Variants in RBFOX1 observed in about 807,000 individuals in gnomAD.
RBFOX1 encodes RNA binding fox-1 homolog 1.
RBFOX1 carries 8 observed loss-of-function variants against 57.7 expected under a neutral mutation model. The observed-to-expected ratio is 0.14, with a 90% CI of 0.08 to 0.25. RBFOX1 has a LOEUF of 0.25. Among genes scored for constraint, RBFOX1 ranks in the 10% least tolerant of loss-of-function variants. The probability of loss-of-function intolerance (pLI) is 1.00; values close to 1 mark genes in which losing one functional copy is unlikely to be tolerated. For synonymous variants in RBFOX1, 326 were observed against 222.4 expected, an observed-to-expected ratio of 1.47 and a Z score of -4.15; for missense variants, 611 against 548.5, an observed-to-expected ratio of 1.11 and a Z score of -1.14.
At chr16:7,580,402 C>T (rs2093663740) in intron 6 of RBFOX1, among the ~76,000 whole-genome samples, 2 of 152,294 alleles carry the variant, frequency 1.3e-5, no homozygotes, top group South Asian at 4.1e-4. Flanking sequence ...CAGAGAACAA[C>T]TACTTCTGCA....
At chr16:7,559,103 T>A (rs983908169) in intron 5 of RBFOX1, among the ~76,000 whole-genome samples, 1 of 152,222 alleles carries the variant, frequency 6.6e-6, no homozygotes, top group African/African-American at 2.4e-5. Flanking sequence ...TCAGAGGCCT[T>A]TCCTGAAAGG....
intron 2 of RBFOX1, among the ~76,000 whole-genome samples, chr16:6,450,860 T>TACATCTATATAC (rs1171874913): frequency 1.3e-5 from 1 of 75,864 alleles, no homozygotes; most frequent in African/African-American, 5.0e-5. Context: ...TATATATATA[T>TACATCTATATAC]ATATATATAT....
chr16:7,309,935 G>A lies in RBFOX1; in HGVS notation c.28-208212G>A, dbSNP rs184119647. Among the ~76,000 whole-genome samples, 700 of 152,298 alleles carry A rather than the reference G, an allele frequency of 4.6e-3. 2 individuals carry two copies. Among genetic ancestry groups the A allele is most frequent in the African/African-American group, 0.016 (657 of 41,562 alleles). ...GTGTCCCAATGTTCTGTTTAATTCA[G>A]TTAAGAAAAGCAAAGAAAGTTCCAT... On this transcript the variant is annotated intron_variant, in intron 4 of 15. Coordinates refer to ENST00000550418, the MANE Select transcript of RBFOX1 (RefSeq NM_018723.4).
chr16:5,794,284 T>C (rs565290929), intron 3 of RBFOX1, among the ~76,000 whole-genome samples: 12 of 151,690 alleles, frequency 7.9e-5, no homozygotes, highest in Admixed American at 4.6e-4. Flanking sequence ...TTTGTTTCCC[T>C]CCTTCACCTT....
chr16:7,315,386 A>T (rs1182030263), intron 4 of RBFOX1, among the ~76,000 whole-genome samples: 3 of 152,006 alleles, frequency 2.0e-5, no homozygotes, highest in Non-Finnish European at 2.9e-5. Context: ...ATGTCATTTT[A>T]GTAGAATTCT....
chr16:7,387,686 A>G (rs2097907960), intron 4 of RBFOX1, among the ~76,000 whole-genome samples: 1 of 152,154 alleles, frequency 6.6e-6, no homozygotes, highest in Non-Finnish European at 1.5e-5. Flanking sequence ...TGCCATTAGG[A>G]GTGGTGTCGG....
intron 3 of RBFOX1, among the ~76,000 whole-genome samples, chr16:6,758,556 C>T (rs369188515): frequency 2.0e-5 from 3 of 152,074 alleles, no homozygotes; most frequent in African/African-American, 4.8e-5. Context: ...CAGAATATAA[C>T]CATGCTCTCT....
chr16:6,114,798 G>T (rs1304345863), intron 1 of RBFOX1, among the ~76,000 whole-genome samples: 1 of 152,150 alleles, frequency 6.6e-6, no homozygotes, highest in Non-Finnish European at 1.5e-5. Flanking sequence ...ACCTGCAAAA[G>T]AATTCATGTG....
chr16:7,449,736 G>GGA (rs2098836840), intron 4 of RBFOX1, among the ~76,000 whole-genome samples: 1 of 140,118 alleles, frequency 7.1e-6, no homozygotes, highest in African/African-American at 2.6e-5. Context: ...GTGTGGGGGG[G>GGA]GGGGGTTGTT....
At chr16:7,490,254 C>G (rs749212669) in intron 4 of RBFOX1, among the ~76,000 whole-genome samples, 3 of 152,186 alleles carry the variant, frequency 2.0e-5, no homozygotes, top group Admixed American at 1.3e-4. Context: ...TTTGTCTCTC[C>G]AAGAGCTCAG....
At chr16:6,291,293 T>G (rs1274474774) in intron 1 of RBFOX1, among the ~76,000 whole-genome samples, 1 of 152,202 alleles carries the variant, frequency 6.6e-6, no homozygotes, top group Non-Finnish European at 1.5e-5. Flanking sequence ...TTTACTCCGC[T>G]GCTATTCAAG....
In RBFOX1 at chr16:5,355,718, T is replaced by C. The variant is rs141435924; in HGVS notation, c.220-111498T>C. On this transcript the variant is annotated intron_variant, in intron 1 of 2. Coordinates refer to the RBFOX1 transcript ENST00000585867. ...TGACCTTATTTGGAAATAGGGTCTT[T>C]ACAGATATAATAAAGAGTCACAGGA... 2.4e-4 allele frequency among the ~76,000 whole-genome samples: 37 copies of C among 152,280 alleles called. No homozygotes were observed. In the East Asian group the frequency reaches 7.1e-3, roughly 29 times the overall value.
intron 2 of RBFOX1, among the ~76,000 whole-genome samples, chr16:6,570,696 T>A (rs2097333196): frequency 6.6e-6 from 1 of 152,222 alleles, no homozygotes; most frequent in Admixed American, 6.5e-5. Context: ...TTTTGCAGTA[T>A]CCGCCAACTT....
chr16:6,790,109 G>A (rs552447655), intron 3 of RBFOX1, among the ~76,000 whole-genome samples: 30 of 148,982 alleles, frequency 2.0e-4, no homozygotes, highest in Admixed American at 5.3e-4. Flanking sequence ...TTTTCATGCT[G>A]TGAATTTTCT....
At chr16:6,272,194 C>T (rs2075288184) in intron 1 of RBFOX1, among the ~76,000 whole-genome samples, 1 of 152,100 alleles carries the variant, frequency 6.6e-6, no homozygotes, top group Non-Finnish European at 1.5e-5. Flanking sequence ...AGAGAAAAAT[C>T]ATTCACCGAA....
At position 6,087,107 on chromosome 16, in the gene RBFOX1, T is replaced by G. The variant is rs1398611804; in HGVS notation, c.-127+67115T>G. 2.0e-5 allele frequency among the ~76,000 whole-genome samples: 3 copies of G among 152,320 alleles called. No homozygotes were observed. In the East Asian group the frequency reaches 5.8e-4, roughly 29 times the overall value. ...AGACAAATTTGACAGTAATCCAATT[T>G]CCGTCAGCAAATTTAGATGATGAGA... is the stretch of plus-strand genomic sequence containing the variant. On this transcript the variant is annotated intron_variant, in intron 1 of 15. Transcript: ENST00000550418.
intron 3 of RBFOX1, among the ~76,000 whole-genome samples, chr16:5,711,173 T>C (rs952215120): frequency 3.3e-5 from 5 of 152,342 alleles, no homozygotes; most frequent in East Asian, 1.9e-4. Context: ...TAAACACTTA[T>C]ATAGCACTTG....
chr16:6,388,455 T>C (rs917317666), intron 2 of RBFOX1, among the ~76,000 whole-genome samples: 1 of 152,170 alleles, frequency 6.6e-6, no homozygotes, highest in African/African-American at 2.4e-5. Context: ...AAAACATGTG[T>C]TTGTTTTTAT....
intron 14 of RBFOX1, among the ~76,000 whole-genome samples, chr16:7,703,011 G>C (rs1024403342): frequency 6.6e-6 from 1 of 152,204 alleles, no homozygotes; most frequent in Non-Finnish European, 1.5e-5. Flanking sequence ...GTAGACAGCA[G>C]AACTGCTAAA....
Sources: allele counts gnomAD v4.1 joint callset (sites outside exome capture counted in the v4.1 genomes callset), GRCh38; gene constraint gnomAD v4.1.1; transcripts MANE v1.5; gene names NCBI Gene and HGNC (gene_info 2026-07-23, HGNC 2026-07-21).